ETS1: variants seen among roughly 807,000 people sequenced by gnomAD.
ETS1 encodes the protein protein C-ets-1.
A neutral mutation model predicts 58.6 loss-of-function variants in ETS1; 15 were observed. The observed-to-expected ratio is 0.26, with a 90% confidence interval of 0.17 to 0.39. The LOEUF (loss-of-function observed/expected upper bound fraction) is 0.39, where lower values mean the gene tolerates loss of function less well. ETS1 is among the 10% of genes least tolerant of loss of function. ETS1 has a pLI of 1.00. For synonymous variants in ETS1, 214 were observed against 218.2 expected (o/e 0.98, Z 0.17); for missense variants, 417 against 610.5 (o/e 0.68, Z 3.34).
At position 128,586,133 on chromosome 11, in the gene ETS1, A is replaced by G. The variant is rs537231153; in HGVS notation, c.-15+1355T>C. Among the ~76,000 whole-genome samples, 3 of 152,348 alleles carry G rather than the reference A, an allele frequency of 2.0e-5. No individual in the cohort carries two copies. In the East Asian group the frequency reaches 5.8e-4, roughly 29 times the overall value. ...CCACATCCTCAGCAGCGGAACCAGG[A>G]CGGAAGAGGCTGCATGGATGCCTGA... is the stretch of plus-strand genomic sequence containing the variant. On this transcript the variant is annotated intron_variant, in intron 1 of 9. Coordinates refer to ENST00000392668, the MANE Select transcript of ETS1 (RefSeq NM_001143820.2).
rs773352247 is a variant in ETS1 at position 128,573,051 on chromosome 11, C to G, written c.69+11G>C. 4 of 1,598,420 alleles carry G rather than the reference C, an allele frequency of 2.5e-6. No homozygotes were observed. In the Admixed American group the frequency reaches 6.9e-5, roughly 28 times the overall value. ...TGTGGGCAAAGGGGCAGGGAAGGGGCCACCACTCACCACCACTGCAGGACG... is the reference window on the plus strand; with the variant it reads ...TGTGGGCAAAGGGGCAGGGAAGGGGGCACCACTCACCACCACTGCAGGACG... On this transcript the variant is annotated intron_variant, in intron 2 of 9. Transcript: ENST00000392668.
chr11:128,546,890 T>C (rs1245584348), intron 3 of ETS1, among the ~76,000 whole-genome samples: 1 of 152,218 alleles, frequency 6.6e-6, no homozygotes, highest in Non-Finnish European at 1.5e-5. Context: ...AGTGTGACTT[T>C]TCTGTGGTGC....
intron 3 of ETS1, among the ~76,000 whole-genome samples, chr11:128,491,359 G>A (rs1037457019): frequency 2.0e-5 from 3 of 152,218 alleles, no homozygotes; most frequent in Non-Finnish European, 4.4e-5. Flanking sequence ...TATCTACACA[G>A]TTAAATGTTC....
At chr11:128,471,140 G>C (rs1395654053) in intron 8 of ETS1, among the ~76,000 whole-genome samples, 1 of 152,200 alleles carries the variant, frequency 6.6e-6, no homozygotes, top group Non-Finnish European at 1.5e-5. Context: ...CCAATAGTTT[G>C]GGCCCAAAGA....
intron 1 of ETS1, among the ~76,000 whole-genome samples, chr11:128,582,067 A>T (rs1296638485): frequency 6.6e-6 from 1 of 152,312 alleles, no homozygotes; most frequent in East Asian, 1.9e-4. Flanking sequence ...TATAATGCTA[A>T]ACAGCTTGCT....
chr11:128,543,652 C>A (rs762195450), intron 3 of ETS1, among the ~76,000 whole-genome samples: 16 of 152,154 alleles, frequency 1.1e-4, no homozygotes, highest in Non-Finnish European at 1.8e-4. Flanking sequence ...TCACATCTGG[C>A]CTGCTCTTTC....
intron 3 of ETS1, among the ~76,000 whole-genome samples, chr11:128,550,968 C>T (rs564060209): frequency 4.6e-5 from 7 of 152,244 alleles, no homozygotes; most frequent in Non-Finnish European, 8.8e-5. Flanking sequence ...TAAGAAGAAC[C>T]GTCCAGCCTT....
chr11:128,554,575 G>C (rs139884139), intron 3 of ETS1, among the ~76,000 whole-genome samples: 2 of 152,080 alleles, frequency 1.3e-5, no homozygotes, highest in East Asian at 3.9e-4. Flanking sequence ...CTCCACTTGG[G>C]AGTTTATGTA....
chr11:128,506,908 C>T (rs1182752048), intron 3 of ETS1, among the ~76,000 whole-genome samples: 5 of 152,132 alleles, frequency 3.3e-5, no homozygotes, highest in Non-Finnish European at 7.3e-5. Flanking sequence ...AAAAGGCTGC[C>T]GAGTGCTCTT....
At chr11:128,566,502 G>A (rs1864497267) in intron 2 of ETS1, among the ~76,000 whole-genome samples, 1 of 152,062 alleles carries the variant, frequency 6.6e-6, no homozygotes, top group Admixed American at 6.5e-5. Flanking sequence ...TACCAGACAG[G>A]GCCGGGCGCA....
At position 128,534,593 on chromosome 11, in the gene ETS1, C is replaced by T. The variant is rs1163397558; in HGVS notation, c.214+21698G>A. Among the ~76,000 whole-genome samples, 4 of 152,182 alleles carry T rather than the reference C, an allele frequency of 2.6e-5. No individual in the cohort carries two copies. The East Asian group carries it at 7.7e-4, about 29-fold the overall frequency. ...TTTCTCTTTCCCCGTACCCCTCCAA[C>T]AGGCCCCAGTGTGTGTTGTTCCTCT... is the stretch of plus-strand genomic sequence containing the variant. On this transcript the variant is annotated intron_variant, in intron 3 of 9. Transcript: ENST00000392668.
Position 128,463,405 on chromosome 11 carries a change from G to A in ETS1, c.1242+104C>T, listed in dbSNP as rs1425092007. 24 of 719,296 alleles carry A rather than the reference G, an allele frequency of 3.3e-5. No homozygotes were observed. The highest frequency in any genetic ancestry group is 2.8e-4 in the East Asian group (11 of 39,240). 44.6% of individuals were successfully genotyped at this position (719,296 alleles called of 1,614,324 possible). ...CTCCGGGTGGCAAGTGGCAGAGCTGGGAATCCCAATCCTGGAACACGTCAT... is the reference window on the plus strand; with the variant it reads ...CTCCGGGTGGCAAGTGGCAGAGCTGAGAATCCCAATCCTGGAACACGTCAT... On this transcript the variant is annotated intron_variant, in intron 9 of 9. Coordinates refer to ENST00000392668, the MANE Select transcript of ETS1 (RefSeq NM_001143820.2). This position sits in a 1 kb window ranked among gnomAD's most constrained non-coding sequence, Gnocchi z 4.1.
At chr11:128,554,893 T>C (rs1349374186) in intron 3 of ETS1, among the ~76,000 whole-genome samples, 1 of 152,224 alleles carries the variant, frequency 6.6e-6, no homozygotes. Context: ...AGGATCACTT[T>C]TCTCATGTCC....
chr11:128,520,405 A>G (rs1863634649), intron 3 of ETS1, among the ~76,000 whole-genome samples: 2 of 152,168 alleles, frequency 1.3e-5, no homozygotes, highest in Admixed American at 1.3e-4. Flanking sequence ...ATAAACACCC[A>G]TAACAACACA....
At chr11:128,554,248 A>G (rs1864279518) in intron 3 of ETS1, among the ~76,000 whole-genome samples, 1 of 152,194 alleles carries the variant, frequency 6.6e-6, no homozygotes. Flanking sequence ...ACATTTGTGA[A>G]GAGATTGCCC....
At chr11:128,484,774 A>G in intron 7 of ETS1, 49 bp downstream of exon 7, 1 of 1,551,762 alleles carries the variant, frequency 6.4e-7, no homozygotes, top group South Asian at 1.2e-5. Flanking sequence ...TCACAAAGTC[A>G]GGTAATTCTT....
At chr11:128,578,943 C>A (rs1037940724) in intron 1 of ETS1, among the ~76,000 whole-genome samples, 15 of 152,158 alleles carry the variant, frequency 9.9e-5, no homozygotes, top group South Asian at 8.3e-4. Context: ...TTTTACATTC[C>A]CACTAAATGC....
chr11:128,496,785 G>GC (rs948352277), intron 3 of ETS1, among the ~76,000 whole-genome samples: 1 of 152,208 alleles, frequency 6.6e-6, no homozygotes, highest in African/African-American at 2.4e-5. Flanking sequence ...AACCGGGCAG[G>GC]CAGGACTTCC....
chr11:128,485,619 T>C (rs1862608395), intron 6 of ETS1, among the ~76,000 whole-genome samples: 2 of 152,218 alleles, frequency 1.3e-5, no homozygotes. Context: ...AGGAGAAGAC[T>C]GTATTTCCTA....
Sources: gnomAD v4.1 joint callset for allele counts (sites outside exome capture counted in the v4.1 genomes callset) on GRCh38, gnomAD v4.1.1 for gene constraint, Gnocchi (gnomAD v3.1) non-coding constraint, MANE v1.5 for transcripts, NCBI Gene and HGNC (gene_info 2026-07-23, HGNC 2026-07-21) for gene names.